NXPE2: variants seen among roughly 807,000 people sequenced by gnomAD.
NXPE2 encodes neurexophilin and PC-esterase domain family member 2, also known as NXPE family member 2.
A neutral mutation model predicts 34.4 loss-of-function variants in NXPE2; 34 were observed. The observed-to-expected ratio is 0.99, with a 90% confidence interval of 0.75 to 1.31. The LOEUF (loss-of-function observed/expected upper bound fraction) is 1.31, where lower values mean the gene tolerates loss of function less well. NXPE2 is among the 40% of genes most tolerant of loss of function. The pLI is 0.00. For missense variants in NXPE2, 649 were observed against 672.5 expected (o/e 0.97, Z 0.39); for synonymous variants, 235 against 231.3 (o/e 1.02, Z -0.15).
the NXPE2 span, among the ~76,000 whole-genome samples, chr11:114,763,032 A>C: frequency 1.3e-5 from 2 of 152,050 alleles, no homozygotes; most frequent in Non-Finnish European, 2.9e-5. Flanking sequence ...GGGACATTCT[A>C]CTTTTAGTTC....
chr11:114,512,406 C>T, the NXPE2 span, among the ~76,000 whole-genome samples: 3 of 152,080 alleles, frequency 2.0e-5, no homozygotes, highest in African/African-American at 4.8e-5. Flanking sequence ...TCCTCTGGGT[C>T]AGTCAGGGTC....
the NXPE2 span, chr11:114,523,146 CT>C: frequency 7.8e-7 from 1 of 1,284,666 alleles, no homozygotes; most frequent in African/African-American, 1.5e-5. Context: ...GACATCTAGC[CT>C]TCTTTCCTGG....
At chr11:114,741,235 T>C in the NXPE2 span, among the ~76,000 whole-genome samples, 2 of 13,210 alleles carry the variant, frequency 1.5e-4, no homozygotes, top group African/African-American at 1.7e-4. Context: ...GAGCTTCTCT[T>C]CTCTTGCTTT....
At position 114,705,887 on chromosome 11, in the gene NXPE2, G is replaced by C. The variant is rs1271713360; in HGVS notation, c.1035G>C (p.Lys345Asn). The part of the protein sequence containing the change: ...MWITAFCKQI[K>N]FNETKNINDC... ...TTACAGCATTTTGTAAACAGATCAA[G>C]TTCAATGAAACAAAAAATATAAATG... Residue 345 changes from lysine (K) to asparagine (N), a missense_variant, in exon 5 of 6, where the codon AAG becomes AAC. Transcript: ENST00000389586. 2 of 1,542,436 alleles carry C rather than the reference G, an allele frequency of 1.3e-6. No homozygotes were observed. Among genetic ancestry groups the C allele is most frequent in the South Asian group, 2.4e-5 (2 of 82,610 alleles).
chr11:114,736,233 C>G, the NXPE2 span, among the ~76,000 whole-genome samples: 1 of 152,170 alleles, frequency 6.6e-6, no homozygotes, highest in Non-Finnish European at 1.5e-5. Context: ...AGCAACTGGT[C>G]TGACCAAAAT....
the NXPE2 span, among the ~76,000 whole-genome samples, chr11:114,587,879 AG>A: frequency 6.6e-6 from 1 of 152,140 alleles, no homozygotes; most frequent in Non-Finnish European, 1.5e-5. Flanking sequence ...CTTTTGCATA[AG>A]GGTGTGGCCT....
chr11:114,613,358 A>T, the NXPE2 span, among the ~76,000 whole-genome samples: 3 of 151,766 alleles, frequency 2.0e-5, no homozygotes, highest in Admixed American at 1.3e-4. Flanking sequence ...CCTCGTGGAT[A>T]ACCACGGTTA....
chr11:114,797,375 C>T, the NXPE2 span, among the ~76,000 whole-genome samples: 2 of 152,156 alleles, frequency 1.3e-5, no homozygotes, highest in Non-Finnish European at 2.9e-5. Flanking sequence ...AGCTGACACC[C>T]CACCTTCTTC....
the NXPE2 span, chr11:114,582,497 C>G: frequency 6.2e-7 from 1 of 1,614,044 alleles, no homozygotes; most frequent in African/African-American, 1.3e-5. Context: ...CATTGACAAA[C>G]TGGCCAGTGA....
At chr11:114,703,824 C>T (rs1176426344) in intron 3 of NXPE2, among the ~76,000 whole-genome samples, 167 bp from the exon 4 acceptor site, 1 of 152,110 alleles carries the variant, frequency 6.6e-6, no homozygotes, top group Non-Finnish European at 1.5e-5. Context: ...AGGAGAGGAA[C>T]AGCTTTCCAG....
intron 2 of NXPE2, among the ~76,000 whole-genome samples, chr11:114,688,532 TTGTC>T (rs1444134881): frequency 1.3e-5 from 2 of 152,048 alleles, no homozygotes; most frequent in East Asian, 3.8e-4. Flanking sequence ...TCAGAAATAT[TTGTC>T]TGTAAGTTTG....
At chr11:114,670,411 C>A in the NXPE2 span, among the ~76,000 whole-genome samples, 1 of 151,966 alleles carries the variant, frequency 6.6e-6, no homozygotes, top group Non-Finnish European at 1.5e-5. Flanking sequence ...AACAAACAAG[C>A]AGGCCAAGCG....
intron 1 of NXPE2, among the ~76,000 whole-genome samples, chr11:114,678,926 G>C (rs1038227666): frequency 2.7e-5 from 4 of 150,728 alleles, no homozygotes; most frequent in Admixed American, 6.6e-5. Flanking sequence ...TTTCTGGGGT[G>C]GGGGGGTTGT....
At chr11:114,501,137 A>G in the NXPE2 span, among the ~76,000 whole-genome samples, 3 of 152,356 alleles carry the variant, frequency 2.0e-5, no homozygotes, top group East Asian at 5.8e-4. Flanking sequence ...AGGAATGTCC[A>G]TCCTTTAAAG....
At chr11:114,689,893 T>C (rs543208787) in intron 2 of NXPE2, among the ~76,000 whole-genome samples, 31 of 152,170 alleles carry the variant, frequency 2.0e-4, no homozygotes, top group Non-Finnish European at 3.2e-4. Context: ...GTCTATTTTA[T>C]CTGATACAAG....
the NXPE2 span, among the ~76,000 whole-genome samples, chr11:114,667,984 A>G: frequency 2.6e-5 from 4 of 152,060 alleles, no homozygotes; most frequent in South Asian, 6.2e-4. Context: ...CAAACAAAAA[A>G]TTGTGACAAG....
the NXPE2 span, among the ~76,000 whole-genome samples, chr11:114,781,793 C>T: frequency 1.3e-5 from 2 of 152,158 alleles, no homozygotes; most frequent in African/African-American, 4.8e-5. Flanking sequence ...GGAGTACAAA[C>T]AGACTCCCCT....
the NXPE2 span, among the ~76,000 whole-genome samples, chr11:114,766,714 T>C: frequency 3.9e-5 from 6 of 152,134 alleles, no homozygotes; most frequent in East Asian, 5.8e-4. Context: ...AGTGTTCAGG[T>C]TCATGCTGAA....
the NXPE2 span, among the ~76,000 whole-genome samples, chr11:114,650,750 C>A: frequency 6.6e-6 from 1 of 152,106 alleles, no homozygotes; most frequent in African/African-American, 2.4e-5. Flanking sequence ...AGGCAGAGTG[C>A]GGTTGCCACA....
Sources: allele counts gnomAD v4.1 joint callset (sites outside exome capture counted in the v4.1 genomes callset), GRCh38; gene constraint gnomAD v4.1.1; transcripts MANE v1.5; gene names NCBI Gene and HGNC (gene_info 2026-07-23, HGNC 2026-07-21).